SLC35F4: variants seen among roughly 807,000 people sequenced by gnomAD.
The protein encoded by SLC35F4 is solute carrier family 35 member F4.
SLC35F4 carries 24 observed loss-of-function variants against 44.2 expected under a neutral mutation model. That is an observed-to-expected ratio of 0.54 (90% CI 0.39 to 0.76). SLC35F4 has a LOEUF of 0.76. Among genes scored for constraint, SLC35F4 ranks in the 30% least tolerant of loss-of-function variants. The pLI is 0.00. For missense variants in SLC35F4, 562 were observed against 586.1 expected, an observed-to-expected ratio of 0.96 and a Z score of 0.42; for synonymous variants, 238 against 223.6, an observed-to-expected ratio of 1.06 and a Z score of -0.57.
chr14:57,719,177 T>A (rs1250116647), intron 1 of SLC35F4, among the ~76,000 whole-genome samples: 2 of 152,208 alleles, frequency 1.3e-5, no homozygotes, highest in Non-Finnish European at 2.9e-5. Flanking sequence ...GCTTCTCTAT[T>A]CTGCTTCATT....
chr14:57,720,986 A>ATATT (rs1248033219), intron 1 of SLC35F4, among the ~76,000 whole-genome samples: 1 of 114,426 alleles, frequency 8.7e-6, no homozygotes, highest in Non-Finnish European at 1.9e-5. Flanking sequence ...CCTCATATAT[A>ATATT]TATATATATA....
chr14:57,785,311 T>A (rs1330109700), intron 1 of SLC35F4, among the ~76,000 whole-genome samples: 2 of 152,054 alleles, frequency 1.3e-5, no homozygotes, highest in Admixed American at 6.6e-5. Flanking sequence ...GCAACAAACT[T>A]CTCTCCTTGA....
intron 1 of SLC35F4, among the ~76,000 whole-genome samples, chr14:57,927,125 G>T (rs1192066481): frequency 2.6e-5 from 4 of 152,178 alleles, no homozygotes; most frequent in Admixed American, 1.3e-4. Context: ...CTACATGAAG[G>T]TTTGGCTGGG....
chr14:57,903,949 A>C (rs900684364), intron 1 of SLC35F4, among the ~76,000 whole-genome samples: 1 of 152,224 alleles, frequency 6.6e-6, no homozygotes, highest in Non-Finnish European at 1.5e-5. Context: ...TCTATCTCTA[A>C]ACAACTTAAT....
intron 1 of SLC35F4, among the ~76,000 whole-genome samples, chr14:57,738,891 A>C (rs925378177): frequency 1.3e-5 from 2 of 150,244 alleles, no homozygotes; most frequent in African/African-American, 4.9e-5. Flanking sequence ...TCTCCATCCT[A>C]CTGTCAAAAA....
chr14:57,812,184 G>C (rs938261420), intron 1 of SLC35F4, among the ~76,000 whole-genome samples: 1 of 152,072 alleles, frequency 6.6e-6, no homozygotes, highest in Non-Finnish European at 1.5e-5. Flanking sequence ...TAGCTTGTGT[G>C]GTGTCATGTC....
At chr14:57,569,655 C>A in intron 6 of SLC35F4, 133 bp downstream of exon 6, 2 of 1,047,658 alleles carry the variant, frequency 1.9e-6, no homozygotes, top group Non-Finnish European at 2.6e-6. Flanking sequence ...TAAACATGAC[C>A]AACGACATTG....
At chr14:57,564,464 A>G in intron 7 of SLC35F4, 88 bp from the exon 8 acceptor site, 1 of 1,490,822 alleles carries the variant, frequency 6.7e-7, no homozygotes, top group Non-Finnish European at 9.0e-7. Flanking sequence ...ACTTCTAGAG[A>G]TTTCCAAGAG....
chr14:57,920,175 A>T (rs1353079279), intron 1 of SLC35F4, among the ~76,000 whole-genome samples: 3 of 152,220 alleles, frequency 2.0e-5, no homozygotes, highest in African/African-American at 7.2e-5. Flanking sequence ...ATGCTAGTTC[A>T]ATTGAATTAC....
At chr14:57,979,664 C>T (rs1881320884) in intron 1 of SLC35F4, among the ~76,000 whole-genome samples, 1 of 152,244 alleles carries the variant, frequency 6.6e-6, no homozygotes, top group African/African-American at 2.4e-5. Flanking sequence ...TAGTTAAAGG[C>T]TTCTTCCTTT....
At chr14:57,835,557 C>A (rs1884833560) in intron 1 of SLC35F4, among the ~76,000 whole-genome samples, 1 of 152,136 alleles carries the variant, frequency 6.6e-6, no homozygotes, top group African/African-American at 2.4e-5. Flanking sequence ...CAAAATGTGA[C>A]TGACAAGAAA....
chr14:57,572,671 A>G (rs1189181053), intron 4 of SLC35F4, among the ~76,000 whole-genome samples: 1 of 152,266 alleles, frequency 6.6e-6, no homozygotes, highest in Non-Finnish European at 1.5e-5. Context: ...CAGAAAAACC[A>G]CTGAAAGATA....
chr14:57,847,771 TCTCA>T (rs1344875937), intron 1 of SLC35F4, among the ~76,000 whole-genome samples: 1 of 152,168 alleles, frequency 6.6e-6, no homozygotes, highest in Non-Finnish European at 1.5e-5. Flanking sequence ...TAAAGTAGCT[TCTCA>T]CTGAGAGAAA....
chr14:57,690,888 A>G (rs1410484390), intron 1 of SLC35F4, among the ~76,000 whole-genome samples: 3 of 152,134 alleles, frequency 2.0e-5, no homozygotes, highest in Non-Finnish European at 4.4e-5. Flanking sequence ...GGACAGCTCT[A>G]AATACAGATG....
intron 1 of SLC35F4, among the ~76,000 whole-genome samples, chr14:57,767,254 G>C (rs781094885): frequency 2.2e-4 from 33 of 152,150 alleles, no homozygotes; most frequent in Admixed American, 2.0e-3. Flanking sequence ...GGCATGTATA[G>C]AACTGTACAG....
At chr14:57,650,391 A>C (rs2073735614) in intron 1 of SLC35F4, among the ~76,000 whole-genome samples, 1 of 152,092 alleles carries the variant, frequency 6.6e-6, no homozygotes, top group Non-Finnish European at 1.5e-5. Context: ...AGACATTTAC[A>C]TCTCAACAAA....
intron 1 of SLC35F4, among the ~76,000 whole-genome samples, chr14:57,887,609 G>T (rs1292859130): frequency 6.6e-6 from 1 of 152,134 alleles, no homozygotes; most frequent in African/African-American, 2.4e-5. Context: ...ACCTCAATGA[G>T]GAGTTACACA....
chr14:57,895,155 C>T (rs998640589), intron 1 of SLC35F4, among the ~76,000 whole-genome samples: 3 of 152,086 alleles, frequency 2.0e-5, no homozygotes, highest in East Asian at 1.9e-4. Flanking sequence ...CTCAGGATCT[C>T]GTTCTCAGCA....
At chr14:57,689,878 AAGTAT>A (rs1309055568) in intron 1 of SLC35F4, among the ~76,000 whole-genome samples, 1 of 152,128 alleles carries the variant, frequency 6.6e-6, no homozygotes, top group East Asian at 1.9e-4. Flanking sequence ...CTAAAACTTA[AAGTAT>A]AATAAAAAAT....
Sources: gnomAD v4.1 joint callset for allele counts (sites outside exome capture counted in the v4.1 genomes callset) on GRCh38, gnomAD v4.1.1 for gene constraint, MANE v1.5 for transcripts, NCBI Gene and HGNC (gene_info 2026-07-23, HGNC 2026-07-21) for gene names.